The following KDM4B variants were observed in gnomAD, a reference collection of about 807,000 sequenced individuals.
KDM4B encodes the protein lysine demethylase 4B.
KDM4B carries 32 observed loss-of-function variants against 125.2 expected under a neutral mutation model. That is an observed-to-expected ratio of 0.26 (90% confidence interval 0.19 to 0.34). The LOEUF (loss-of-function observed/expected upper bound fraction) is 0.34. Among genes scored for constraint, KDM4B ranks in the 10% least tolerant of loss-of-function variants. The pLI is 1.00. For synonymous variants in KDM4B, 721 were observed against 677.9 expected (o/e 1.06, Z -0.99); for missense variants, 1,190 against 1,577.7 (o/e 0.75, Z 4.16).
chr19:5,068,530 C>T (rs889658586), intron 6 of KDM4B, among the ~76,000 whole-genome samples: 1 of 152,240 alleles, frequency 6.6e-6, no homozygotes, highest in African/African-American at 2.4e-5. Context: ...TGTCCTAAGC[C>T]GTGTCCTGGC....
At chr19:4,988,380 A>G (rs992648613) in intron 1 of KDM4B, among the ~76,000 whole-genome samples, 1 of 152,028 alleles carries the variant, frequency 6.6e-6, no homozygotes, top group East Asian at 1.9e-4. Flanking sequence ...GGTTCACGCC[A>G]TTCTCCTGCC....
intron 12 of KDM4B, 45 bp from the exon 13 acceptor site, chr19:5,131,842 G>T: frequency 6.2e-7 from 1 of 1,612,076 alleles, no homozygotes; most frequent in Non-Finnish European, 8.5e-7. Flanking sequence ...GCCCCACCCA[G>T]GGGTCTGTAG....
intron 2 of KDM4B, among the ~76,000 whole-genome samples, chr19:5,029,562 C>T (rs569834821): frequency 2.0e-4 from 31 of 152,350 alleles, no homozygotes; most frequent in Admixed American, 1.8e-3. Flanking sequence ...CATGATGGCT[C>T]ATCCCTGTAA....
At chr19:5,005,072 G>A (rs937448137) in intron 1 of KDM4B, among the ~76,000 whole-genome samples, 3 of 152,290 alleles carry the variant, frequency 2.0e-5, no homozygotes, top group South Asian at 4.1e-4. Flanking sequence ...TCCTGCGGCC[G>A]TCACCTGGCA....
intron 11 of KDM4B, among the ~76,000 whole-genome samples, chr19:5,129,235 T>C (rs1181153083): frequency 6.6e-6 from 1 of 151,564 alleles, no homozygotes; most frequent in African/African-American, 2.4e-5. Flanking sequence ...GGCTGTGGGC[T>C]GGGGGCCCCT....
chr19:5,136,929 T>G (rs1234364941), intron 15 of KDM4B, among the ~76,000 whole-genome samples: 1 of 152,044 alleles, frequency 6.6e-6, no homozygotes, highest in Non-Finnish European at 1.5e-5. Context: ...CTGTTGGGGG[T>G]GCAGACACCC....
chr19:5,094,036 G>A (rs1261256416), intron 9 of KDM4B, among the ~76,000 whole-genome samples: 1 of 152,184 alleles, frequency 6.6e-6, no homozygotes, highest in Non-Finnish European at 1.5e-5. Context: ...GGGCGCCAGG[G>A]AGACCACCCT....
At chr19:5,008,945 T>C (rs866964048) in intron 1 of KDM4B, among the ~76,000 whole-genome samples, 1 of 142,618 alleles carries the variant, frequency 7.0e-6, no homozygotes, top group Non-Finnish European at 1.5e-5. Context: ...AGACAGAGTT[T>C]CGCTGTGTTG....
rs2034263155 is a variant in KDM4B, at chr19:4,971,663, G to T, written c.-109+2433G>T. On this transcript the variant is annotated intron_variant, in intron 1 of 22. Transcript: ENST00000159111. This position sits in a 1 kb window ranked among gnomAD's most constrained non-coding sequence, Gnocchi z 4.1. ...GGTTTAGAGTGTAGTGGGGGAAAGG[G>T]TGAGCTGGCTGCCCAGGGCCTGGTC... Among the ~76,000 whole-genome samples, 1 of 152,196 alleles carries T rather than the reference G, an allele frequency of 6.6e-6. No homozygotes were observed. The highest frequency in any genetic ancestry group is 1.5e-5 in the Non-Finnish European group (1 of 68,038).
At chr19:5,068,684 C>T (rs898302162) in intron 6 of KDM4B, among the ~76,000 whole-genome samples, 4 of 152,226 alleles carry the variant, frequency 2.6e-5, no homozygotes, top group Non-Finnish European at 5.9e-5. Flanking sequence ...CGCTGTTGGG[C>T]ACTGGCGGTG....
chr19:5,020,183 G>C (rs2036065218), intron 2 of KDM4B, among the ~76,000 whole-genome samples: 1 of 134,280 alleles, frequency 7.4e-6, no homozygotes, highest in South Asian at 2.6e-4. Flanking sequence ...GTGGGTGTTG[G>C]TGTGCAGGTG....
At chr19:5,051,773 C>T (rs977452147) in intron 6 of KDM4B, among the ~76,000 whole-genome samples, 9 of 152,252 alleles carry the variant, frequency 5.9e-5, no homozygotes, top group South Asian at 2.1e-4. Context: ...AGCGCTTGCC[C>T]GGACTGCGAC....
rs768121658 is a variant in KDM4B, at chr19:5,077,410, G to A, written c.720G>A (p.Arg240=). 6.2e-7 allele frequency: 1 copy of A among 1,613,338 alleles called. No individual in the cohort carries two copies. Among genetic ancestry groups the A allele is most frequent in the Non-Finnish European group, 8.5e-7 (1 of 1,180,004 alleles). The change falls in exon 8 of 23, where the codon CGG becomes CGA. Residue 240 remains arginine, a synonymous_variant. Coordinates refer to ENST00000159111, the MANE Select transcript of KDM4B (RefSeq NM_015015.3). ...CGCAGGGCTGCGACGCCTTCCTGCG[G>A]CATAAGATGACCCTCATCTCGCCCA... ...GSSQGCDAFL[R]HKMTLISPII... is the part of the protein sequence containing the mutation.
At chr19:5,085,897 G>A (rs907453218) in intron 9 of KDM4B, among the ~76,000 whole-genome samples, 4 of 152,186 alleles carry the variant, frequency 2.6e-5, no homozygotes, top group South Asian at 2.1e-4. Context: ...GCATCTCGCC[G>A]CACAGATGAC....
At chr19:5,083,938 C>T (rs111258224) in intron 9 of KDM4B, among the ~76,000 whole-genome samples, 38 of 152,276 alleles carry the variant, frequency 2.5e-4, no homozygotes, top group African/African-American at 8.7e-4. Flanking sequence ...CTTTGACTCT[C>T]GCAGCATTTT....
At chr19:4,991,864 C>T (rs1464091265) in intron 1 of KDM4B, among the ~76,000 whole-genome samples, 1 of 152,180 alleles carries the variant, frequency 6.6e-6, no homozygotes, top group African/African-American at 2.4e-5. Flanking sequence ...TATTTAACCT[C>T]TTGGGATTGG....
chr19:5,025,407 C>T (rs1199846170), intron 2 of KDM4B, among the ~76,000 whole-genome samples: 8 of 152,246 alleles, frequency 5.3e-5, no homozygotes, highest in Non-Finnish European at 2.9e-5. Flanking sequence ...TGGGGCCAGC[C>T]GGGCCTTAAA....
chr19:5,132,323 G>C (rs1185081768), intron 13 of KDM4B, among the ~76,000 whole-genome samples: 3 of 152,172 alleles, frequency 2.0e-5, no homozygotes, highest in African/African-American at 7.2e-5. Flanking sequence ...GCCTCTCCAG[G>C]ACTTGGAGAG....
Position 5,144,916 on chromosome 19 carries a change from C to T in KDM4B, c.3021+14C>T, listed in dbSNP as rs375424681. ...CACATCTACCAGGTAAGCGGGGGAT[C>T]TGGCAGCCGCGCCATGCCTTCACCA... On this transcript the variant is annotated intron_variant, in intron 21 of 22. Coordinates refer to ENST00000159111, the MANE Select transcript of KDM4B (RefSeq NM_015015.3). The T allele has an allele frequency of 1.1e-5, 18 of 1,612,866 alleles. No homozygotes were observed.
Sources: gnomAD v4.1 joint callset for allele counts (sites outside exome capture counted in the v4.1 genomes callset) on GRCh38, gnomAD v4.1.1 for gene constraint, Gnocchi (gnomAD v3.1) non-coding constraint, MANE v1.5 for transcripts, NCBI Gene and HGNC (gene_info 2026-07-23, HGNC 2026-07-21) for gene names.